Variants in AGBL4 observed in about 807,000 individuals in gnomAD.
AGBL4 encodes the protein AGBL carboxypeptidase 4.
AGBL4 carries 58 observed loss-of-function variants against 66.4 expected under a neutral mutation model. The ratio of observed to expected loss-of-function variants is 0.87; its 90% CI spans 0.71 to 1.09. AGBL4 has a LOEUF of 1.09. AGBL4 is among the 50% of genes least tolerant of loss of function. The pLI is 0.00. For missense variants in AGBL4, 579 were observed against 631.0 expected (o/e 0.92, Z 0.88); for synonymous variants, 234 against 222.9 (o/e 1.05, Z -0.44).
intron 5 of AGBL4, among the ~76,000 whole-genome samples, chr1:48,945,191 G>C (rs770932609): frequency 5.9e-5 from 9 of 152,292 alleles, no homozygotes; most frequent in Non-Finnish European, 1.2e-4. Context: ...CCAAATCTTA[G>C]GTTTTAGTAG....
At chr1:49,042,824 C>T (rs1190378855) in intron 5 of AGBL4, among the ~76,000 whole-genome samples, 1 of 152,146 alleles carries the variant, frequency 6.6e-6, no homozygotes, top group African/African-American at 2.4e-5. Flanking sequence ...GAAAGCTTAA[C>T]TGATCCTATT....
At chr1:49,474,219 A>C (rs958325657) in intron 3 of AGBL4, among the ~76,000 whole-genome samples, 4 of 152,122 alleles carry the variant, frequency 2.6e-5, no homozygotes, top group African/African-American at 9.6e-5. Context: ...TGCTTTGGGC[A>C]GTATGAACAT....
chr1:49,558,640 G>A (rs1227552043), intron 3 of AGBL4, among the ~76,000 whole-genome samples: 1 of 152,032 alleles, frequency 6.6e-6, no homozygotes, highest in Admixed American at 6.6e-5. Context: ...CGCCTAGCTG[G>A]GATCCTTGAT....
intron 4 of AGBL4, among the ~76,000 whole-genome samples, chr1:49,124,720 T>C (rs572084227): frequency 1.2e-4 from 19 of 152,344 alleles, no homozygotes; most frequent in Non-Finnish European, 2.6e-4. Flanking sequence ...AGTAGCAAGA[T>C]TTTATGGAAA....
At chr1:49,033,972 T>C (rs947343330) in intron 5 of AGBL4, among the ~76,000 whole-genome samples, 2 of 151,998 alleles carry the variant, frequency 1.3e-5, no homozygotes, top group African/African-American at 4.8e-5. Flanking sequence ...CTACCCCTGA[T>C]CTGGGAGCCA....
intron 3 of AGBL4, among the ~76,000 whole-genome samples, chr1:49,665,958 C>T (rs1646357328): frequency 1.3e-5 from 2 of 150,790 alleles, no homozygotes; most frequent in African/African-American, 2.4e-5. Flanking sequence ...GAAGTACACA[C>T]TAAATCTTTT....
chr1:49,483,721 G>A (rs1038208874), intron 3 of AGBL4, among the ~76,000 whole-genome samples: 2 of 151,578 alleles, frequency 1.3e-5, no homozygotes, highest in Admixed American at 6.6e-5. Flanking sequence ...CGCAAGCACA[G>A]GCAACCAAAG....
At chr1:49,553,582 G>T (rs1026945375) in intron 3 of AGBL4, among the ~76,000 whole-genome samples, 1 of 152,020 alleles carries the variant, frequency 6.6e-6, no homozygotes, top group African/African-American at 2.4e-5. Context: ...CTGATAGTTG[G>T]AGTAGATAAG....
chr1:49,383,360 A>G (rs1208150517), intron 3 of AGBL4, among the ~76,000 whole-genome samples: 4 of 152,208 alleles, frequency 2.6e-5, no homozygotes, highest in African/African-American at 9.6e-5. Flanking sequence ...AGGAAAAAAA[A>G]CATAGTTAAA....
intron 4 of AGBL4, among the ~76,000 whole-genome samples, chr1:49,167,809 G>C (rs1646661312): frequency 1.3e-5 from 2 of 152,296 alleles, no homozygotes; most frequent in South Asian, 4.1e-4. Context: ...CTCATCATCT[G>C]TCTGCACATG....
intron 6 of AGBL4, among the ~76,000 whole-genome samples, chr1:48,679,184 T>C (rs1291927098): frequency 6.6e-6 from 1 of 152,214 alleles, no homozygotes; most frequent in Non-Finnish European, 1.5e-5. Context: ...GTAACATTTG[T>C]ACAGATTGTG....
At chr1:49,973,724 T>C (rs566944506) in intron 1 of AGBL4, among the ~76,000 whole-genome samples, 12 of 149,066 alleles carry the variant, frequency 8.1e-5, no homozygotes, top group Admixed American at 6.0e-4. Context: ...ATATTGTATA[T>C]CATTATATAT....
chr1:48,606,018 A>AT (rs1253208833), intron 9 of AGBL4, among the ~76,000 whole-genome samples: 1 of 152,212 alleles, frequency 6.6e-6, no homozygotes, highest in African/African-American at 2.4e-5. Context: ...AAAACCCCGC[A>AT]TTGCAGATTT....
intron 4 of AGBL4, among the ~76,000 whole-genome samples, chr1:49,121,160 T>G (rs1023520098): frequency 6.6e-6 from 1 of 152,196 alleles, no homozygotes; most frequent in African/African-American, 2.4e-5. Flanking sequence ...ACATGCTCCT[T>G]TAGCTTGGAG....
intron 3 of AGBL4, among the ~76,000 whole-genome samples, chr1:49,556,967 G>A (rs1218524455): frequency 6.6e-6 from 1 of 152,098 alleles, no homozygotes; most frequent in Middle Eastern, 3.2e-3. Context: ...TCACTGCCTG[G>A]GGCCGGCGGT....
At chr1:49,030,029 T>G (rs765491569) in intron 5 of AGBL4, among the ~76,000 whole-genome samples, 2 of 152,174 alleles carry the variant, frequency 1.3e-5, no homozygotes, top group Non-Finnish European at 2.9e-5. Flanking sequence ...TAAACATCAA[T>G]GGAAGAGCGA....
chr1:49,993,589 G>T (rs1013990895), intron 1 of AGBL4, among the ~76,000 whole-genome samples: 2 of 152,028 alleles, frequency 1.3e-5, no homozygotes, highest in East Asian at 3.9e-4. Flanking sequence ...CTTGCTGCCC[G>T]GCCCTATGGC....
chr1:49,455,693 C>T (rs1646372567), intron 3 of AGBL4, among the ~76,000 whole-genome samples: 1 of 151,530 alleles, frequency 6.6e-6, no homozygotes, highest in Non-Finnish European at 1.5e-5. Context: ...GAGGAAAATC[C>T]ACATTCCTTG....
chr1:49,220,350 T>C (rs1649403046), intron 4 of AGBL4, among the ~76,000 whole-genome samples: 1 of 152,198 alleles, frequency 6.6e-6, no homozygotes, highest in Non-Finnish European at 1.5e-5. Context: ...CTTGTCATCA[T>C]GAAGACTTGC....
Sources: allele counts gnomAD v4.1 joint callset (sites outside exome capture counted in the v4.1 genomes callset), GRCh38; gene constraint gnomAD v4.1.1; transcripts MANE v1.5; gene names NCBI Gene and HGNC (gene_info 2026-07-23, HGNC 2026-07-21).